Variants in ZFAT observed in about 807,000 individuals in gnomAD.
ZFAT encodes the protein zinc finger and AT-hook domain containing, also known as zinc finger protein ZFAT.
ZFAT carries 64 observed loss-of-function variants against 117.7 expected under a neutral mutation model. That is an observed-to-expected ratio of 0.54 (90% CI 0.44 to 0.67). The LOEUF (loss-of-function observed/expected upper bound fraction) is 0.67. Among genes scored for constraint, ZFAT ranks in the 30% least tolerant of loss-of-function variants. The pLI is 0.00. For missense variants in ZFAT, 1,433 were observed against 1,584.5 expected (o/e 0.90, Z 1.62); for synonymous variants, 679 against 615.0 (o/e 1.10, Z -1.54).
the ZFAT span, among the ~76,000 whole-genome samples, chr8:134,735,220 TTTG>T: frequency 6.6e-6 from 1 of 152,066 alleles, no homozygotes; most frequent in Non-Finnish European, 1.5e-5. Flanking sequence ...TATAGAAAAT[TTTG>T]TTGATCTGGG....
intron 15 of ZFAT, among the ~76,000 whole-genome samples, chr8:134,507,664 T>C (rs1244173342): frequency 6.6e-6 from 1 of 152,222 alleles, no homozygotes; most frequent in Non-Finnish European, 1.5e-5. Context: ...CCTCAAAGCA[T>C]ATCTAAGCTA....
chr8:134,596,230 G>A (rs1194175658), intron 7 of ZFAT, among the ~76,000 whole-genome samples: 2 of 152,178 alleles, frequency 1.3e-5, no homozygotes, highest in Non-Finnish European at 2.9e-5. Context: ...CTATCCCACT[G>A]GAGCATTGCC....
At chr8:134,744,201 C>A in the ZFAT span, among the ~76,000 whole-genome samples, 1 of 151,968 alleles carries the variant, frequency 6.6e-6, no homozygotes, top group Non-Finnish European at 1.5e-5. Flanking sequence ...TGGCAGAATT[C>A]ATTTCCTTAT....
the ZFAT span, among the ~76,000 whole-genome samples, chr8:134,718,684 T>TA: frequency 6.6e-6 from 1 of 151,928 alleles, no homozygotes; most frequent in African/African-American, 2.4e-5. Context: ...TGGGACCCAA[T>TA]AAACCGTTGT....
At chr8:134,718,231 G>T in the ZFAT span, among the ~76,000 whole-genome samples, 1 of 152,172 alleles carries the variant, frequency 6.6e-6, no homozygotes, top group Non-Finnish European at 1.5e-5. Flanking sequence ...GGGTGCAGTG[G>T]TTCACACCTG....
chr8:134,638,944 C>T (rs1830425677), intron 2 of ZFAT, among the ~76,000 whole-genome samples: 1 of 152,116 alleles, frequency 6.6e-6, no homozygotes, highest in African/African-American at 2.4e-5. Flanking sequence ...TGAACCTGAA[C>T]ATTGGGGTAG....
intron 1 of ZFAT, among the ~76,000 whole-genome samples, chr8:134,687,320 A>G (rs756271094): frequency 7.2e-5 from 11 of 152,250 alleles, no homozygotes; most frequent in Non-Finnish European, 1.3e-4. Context: ...AGCTGGATTA[A>G]CAAAATAAAA....
chr8:134,753,640 T>C, the ZFAT span, among the ~76,000 whole-genome samples: 1 of 152,210 alleles, frequency 6.6e-6, no homozygotes, highest in Admixed American at 6.5e-5. Context: ...AAAGAGTTTC[T>C]GAATGAACCA....
intron 12 of ZFAT, among the ~76,000 whole-genome samples, chr8:134,524,806 A>G (rs967836225): frequency 1.3e-5 from 2 of 152,340 alleles, no homozygotes; most frequent in Middle Eastern, 3.4e-3. Context: ...GGTTAATCCA[A>G]TGAATACTCT....
At chr8:134,587,092 A>G (rs1302449090) in intron 9 of ZFAT, among the ~76,000 whole-genome samples, 1 of 152,142 alleles carries the variant, frequency 6.6e-6, no homozygotes, top group Non-Finnish European at 1.5e-5. Flanking sequence ...ACCTGTTCCC[A>G]TCACTTGGCT....
intron 8 of ZFAT, 94 bp downstream of exon 8, chr8:134,590,172 TTA>T (rs1826358223): frequency 2.3e-6 from 2 of 887,620 alleles, no homozygotes; most frequent in Admixed American, 5.2e-5. Context: ...TCATCCCTTT[TTA>T]TTTCTATATA....
At chr8:134,596,397 A>G (rs1826934892) in intron 7 of ZFAT, among the ~76,000 whole-genome samples, 1 of 151,952 alleles carries the variant, frequency 6.6e-6, no homozygotes. Flanking sequence ...CAATAATGGT[A>G]CAAGTGTCAA....
At chr8:134,534,908 C>T (rs753047808) in intron 11 of ZFAT, among the ~76,000 whole-genome samples, 41 of 152,266 alleles carry the variant, frequency 2.7e-4, no homozygotes, top group Middle Eastern at 3.4e-3. Flanking sequence ...AGAGCAGTTC[C>T]CCCTTCTCCC....
chr8:134,595,448 T>C (rs913562868), intron 7 of ZFAT, among the ~76,000 whole-genome samples: 1 of 152,186 alleles, frequency 6.6e-6, no homozygotes, highest in African/African-American at 2.4e-5. Flanking sequence ...AAAGTACTTT[T>C]TATCTCCGTT....
chr8:134,591,823 A>T (rs1162398514), intron 7 of ZFAT, among the ~76,000 whole-genome samples: 1 of 152,176 alleles, frequency 6.6e-6, no homozygotes, highest in Non-Finnish European at 1.5e-5. Context: ...GGCATGGACC[A>T]CATCCTCCCC....
intron 10 of ZFAT, among the ~76,000 whole-genome samples, chr8:134,567,840 C>T (rs1824587574): frequency 6.6e-6 from 1 of 152,232 alleles, no homozygotes; most frequent in Non-Finnish European, 1.5e-5. Context: ...GCCTGGAATG[C>T]ACTGTCTCGC....
the ZFAT span, among the ~76,000 whole-genome samples, chr8:134,813,570 G>A: frequency 1.2e-4 from 18 of 152,160 alleles, no homozygotes; most frequent in African/African-American, 3.9e-4. Context: ...GGGCCACCAC[G>A]CCCAGCTAAT....
At chr8:134,499,397 G>T (rs6982629) in intron 15 of ZFAT, among the ~76,000 whole-genome samples, 7 of 147,580 alleles carry the variant, frequency 4.7e-5, no homozygotes, top group African/African-American at 1.8e-4. Context: ...GTGGAGCTGG[G>T]ATGCCCCCGT....
chr8:134,803,708 T>C, the ZFAT span, among the ~76,000 whole-genome samples: 1 of 152,196 alleles, frequency 6.6e-6, no homozygotes, highest in African/African-American at 2.4e-5. Flanking sequence ...GAGGCAACAG[T>C]AGACACTGCT....
Sources: allele counts gnomAD v4.1 joint callset (sites outside exome capture counted in the v4.1 genomes callset), GRCh38; gene constraint gnomAD v4.1.1; transcripts MANE v1.5; gene names NCBI Gene and HGNC (gene_info 2026-07-23, HGNC 2026-07-21).